Variants in WAC observed in about 807,000 individuals in gnomAD.
WAC encodes the protein WW domain containing adaptor with coiled-coil.
Under a neutral mutation model 79.6 loss-of-function variants are expected in WAC, and 11 were observed. The observed-to-expected ratio is 0.14, with a 90% CI of 0.09 to 0.23. WAC has a LOEUF of 0.23. Among genes scored for constraint, WAC ranks in the 10% least tolerant of loss-of-function variants. The pLI, the probability that WAC is intolerant of heterozygous loss-of-function variation, is 1.00. For synonymous variants in WAC, 304 were observed against 276.9 expected (o/e 1.10, Z -0.97); for missense variants, 728 against 773.5 (o/e 0.94, Z 0.70).
At chr10:28,560,996 A>G (rs1045660657) in intron 3 of WAC, among the ~76,000 whole-genome samples, 7 of 152,178 alleles carry the variant, frequency 4.6e-5, no homozygotes, top group South Asian at 2.1e-4. Flanking sequence ...GAGAATGTCT[A>G]CTGAATGCCA....
chr10:28,563,744 C>CTT (rs71281550), intron 3 of WAC, among the ~76,000 whole-genome samples: 2,785 of 67,496 alleles, frequency 0.041, 188 homozygotes, highest in East Asian at 0.097. Context: ...CTACACCCAG[C>CTT]TTTTTTTTTT....
At position 28,608,381 on chromosome 10, in the gene WAC, C is replaced by T; in HGVS notation, c.1115C>T (p.Ala372Val). 1 of 1,613,278 alleles carries T rather than the reference C, an allele frequency of 6.2e-7. No homozygotes were observed. ...AGACAATTGCTTCCTGCTTTGCAAGCCACGCTGCAGCTTAATAATTCTAAT... is the reference window on the plus strand; with the variant it reads ...AGACAATTGCTTCCTGCTTTGCAAGTCACGCTGCAGCTTAATAATTCTAAT... ...LLRQLLPALQ[A>V]TLQLNNSNVD... Residue 372 changes from alanine to valine, a missense_variant, in exon 8 of 14, where the codon GCC becomes GTC. Around this residue, in one of 3 missense-constraint regions of WAC, gnomAD observed 648 missense variants for 661.5 expected, o/e 0.98. Coordinates refer to ENST00000354911, the MANE Select transcript of WAC (RefSeq NM_016628.5).
At chr10:28,594,786 C>T (rs1047447504) in intron 6 of WAC, among the ~76,000 whole-genome samples, 36 of 152,104 alleles carry the variant, frequency 2.4e-4, no homozygotes, top group African/African-American at 8.2e-4. Flanking sequence ...GATTTTAGGT[C>T]GTTTCTCTCC....
chr10:28,591,586 C>T (rs758480569), intron 6 of WAC: 7 of 152,200 alleles, frequency 4.6e-5, no homozygotes, highest in Non-Finnish European at 7.3e-5. Context: ...ACTCCCAGTG[C>T]CGTGGCTCAT....
chr10:28,573,056 A>G lies in WAC; in HGVS notation c.275-10343A>G, dbSNP rs74657335. Among the ~76,000 whole-genome samples, 507 of 152,300 alleles carry G rather than the reference A, an allele frequency of 3.3e-3. 6 individuals carry two copies. Among genetic ancestry groups the G allele is most frequent in the Non-Finnish European group, 5.1e-3 (350 of 68,016 alleles). On this transcript the variant is annotated intron_variant, in intron 3 of 13. Coordinates refer to ENST00000354911, the MANE Select transcript of WAC (RefSeq NM_016628.5). Reference sequence around the variant, plus strand: ...AGATTGCCTGATTGCTAGTCTCACTAAAGGAGTGGCTCTTAACATGGTTAG... The same window carrying G: ...AGATTGCCTGATTGCTAGTCTCACTGAAGGAGTGGCTCTTAACATGGTTAG...
At chr10:28,551,820 T>TGTGTGTGTGTGTGTGTGTG (rs1564380042) in intron 3 of WAC, among the ~76,000 whole-genome samples, 1 of 53,744 alleles carries the variant, frequency 1.9e-5, no homozygotes, top group East Asian at 6.9e-4. Context: ...GTGTGTGTGT[T>TGTGTGTGTGTGTGTGTGTG]TCTTTTTTTT....
intron 7 of WAC, among the ~76,000 whole-genome samples, chr10:28,602,409 T>G (rs1399100228): frequency 1.3e-5 from 2 of 152,224 alleles, no homozygotes; most frequent in African/African-American, 4.8e-5. Flanking sequence ...GTCACAGATT[T>G]AGGTGTTGTC....
intron 3 of WAC, among the ~76,000 whole-genome samples, chr10:28,564,079 G>A (rs1210050581): frequency 5.3e-5 from 8 of 152,000 alleles, no homozygotes; most frequent in South Asian, 4.2e-4. Flanking sequence ...TTTGAGACCA[G>A]GCTGGGCAAC....
chr10:28,554,732 T>G (rs1837886183), intron 3 of WAC, among the ~76,000 whole-genome samples: 1 of 152,216 alleles, frequency 6.6e-6, no homozygotes, highest in Non-Finnish European at 1.5e-5. Context: ...GCACAGACAT[T>G]ACAGTGGCCA....
chr10:28,535,626 A>C lies in WAC; in HGVS notation c.143A>C (p.Asp48Ala), dbSNP rs1477297215. 1 of 1,614,010 alleles carries C rather than the reference A, an allele frequency of 6.2e-7. No individual in the cohort carries two copies. The highest frequency in any genetic ancestry group is 8.5e-7 in the Non-Finnish European group (1 of 1,180,010). The change falls in exon 3 of 14, where the codon GAC becomes GCC. Residue 48 changes from aspartate to alanine, a missense_variant. Coordinates refer to ENST00000354911, the MANE Select transcript of WAC (RefSeq NM_016628.5). Reference protein sequence around the residue: ...SGDHRHEKMRDAGDPSPPNKM... With the variant: ...SGDHRHEKMRAAGDPSPPNKM... ...GATCACAGACATGAAAAGATGCGAG[A>C]CGCCGGAGATCCTTCACCACCAAAT...
At chr10:28,614,514 GGA>G in intron 10 of WAC, 51 bp from the exon 11 acceptor site, 1 of 1,375,434 alleles carries the variant, frequency 7.3e-7, no homozygotes, top group Non-Finnish European at 1.0e-6. Context: ...GATTTTGGGG[GGA>G]GAGATGTGGA....
intron 7 of WAC, among the ~76,000 whole-genome samples, chr10:28,602,005 A>G (rs1840671063): frequency 6.6e-6 from 1 of 152,228 alleles, no homozygotes; most frequent in Admixed American, 6.5e-5. Context: ...AAGACACTGC[A>G]TTATACTTGT....
chr10:28,584,480 T>G (rs1224404188), intron 4 of WAC, among the ~76,000 whole-genome samples: 1 of 152,146 alleles, frequency 6.6e-6, no homozygotes, highest in Admixed American at 6.5e-5. Flanking sequence ...ATTATACATA[T>G]ATAAGGCAGT....
chr10:28,533,516 C>A lies in WAC; in HGVS notation c.-64C>A, dbSNP rs1836395682. 7 of 1,133,128 alleles carry A rather than the reference C, an allele frequency of 6.2e-6. No homozygotes were observed. The highest frequency in any genetic ancestry group is 6.7e-6 in the Non-Finnish European group (6 of 898,662). The allele number at this position is 1,133,128 out of a possible 1,614,324, so 70.2% of individuals were successfully genotyped here. A position where few individuals can be genotyped will look rare whatever the true frequency, so the allele number is the denominator to read the frequency against. The stretch of plus-strand genomic sequence containing the variant: ...CCGCCCGCCGCCGCCGCCGCCTGCG[C>A]GCCCGCCCGCCTTTCGCGGCCGCTC... On this transcript the variant is annotated 5_prime_UTR_variant, in exon 1 of 14. Transcript: ENST00000354911.
rs961721042 is a variant in WAC at position 28,533,160 on chromosome 10, A to AGCG, written c.-403_-401dup. Reference sequence around the variant, plus strand: ...TTGGTGGAGCGGCAGCGGCGGCACCAGCGGCGGCGGCGGCGGCGGGAGGAG... The same window carrying AGCG: ...TTGGTGGAGCGGCAGCGGCGGCACCAGCGGCGGCGGCGGCGGCGGCGGGAGGAG... On this transcript the variant is annotated 5_prime_UTR_variant, in exon 1 of 14. Coordinates refer to ENST00000354911, the MANE Select transcript of WAC (RefSeq NM_016628.5). 4.4e-3 allele frequency among the ~76,000 whole-genome samples: 665 copies of AGCG among 149,546 alleles called. 4 individuals are homozygous for AGCG. The highest frequency in any genetic ancestry group is 0.022 in the Middle Eastern group (6 of 268).
At chr10:28,581,356 G>T (rs1839527575) in intron 3 of WAC, among the ~76,000 whole-genome samples, 1 of 146,478 alleles carries the variant, frequency 6.8e-6, no homozygotes, top group South Asian at 2.2e-4. Flanking sequence ...TCAGTAGTCG[G>T]GACTAGTGCA....
At chr10:28,557,787 C>CT (rs1230449552) in intron 3 of WAC, among the ~76,000 whole-genome samples, 2 of 152,080 alleles carry the variant, frequency 1.3e-5, no homozygotes, top group Non-Finnish European at 2.9e-5. Flanking sequence ...AGAAAATACT[C>CT]TTAGGGGTCA....
intron 7 of WAC, among the ~76,000 whole-genome samples, chr10:28,603,961 G>GTGTA (rs1157009751): frequency 3.3e-4 from 7 of 20,906 alleles, no homozygotes; most frequent in African/African-American, 2.5e-3. Flanking sequence ...ATGTATGTAT[G>GTGTA]TATATATATA....
chr10:28,552,687 T>C (rs911144323), intron 3 of WAC, among the ~76,000 whole-genome samples: 1 of 152,154 alleles, frequency 6.6e-6, no homozygotes, highest in African/African-American at 2.4e-5. Context: ...TTGGATATTA[T>C]GTATCATTTA....
Sources: allele counts gnomAD v4.1 joint callset (sites outside exome capture counted in the v4.1 genomes callset), GRCh38; gene constraint gnomAD v4.1.1; regional missense constraint gnomAD v4.1.1; transcripts MANE v1.5; gene names NCBI Gene and HGNC (gene_info 2026-07-23, HGNC 2026-07-21).